WAPL: variants seen among roughly 807,000 people sequenced by gnomAD.
WAPL encodes the protein WAPL cohesin release factor.
A neutral mutation model predicts 121.0 loss-of-function variants in WAPL; 5 were observed. That is an observed-to-expected ratio of 0.04 (90% CI 0.02 to 0.09). The LOEUF (loss-of-function observed/expected upper bound fraction) is 0.09, where lower values mean the gene tolerates loss of function less well. Ranked by LOEUF, WAPL falls within the 10% of genes least tolerant of loss-of-function variation. The probability of loss-of-function intolerance (pLI) is 1.00; values close to 1 mark genes in which losing one functional copy is unlikely to be tolerated. For missense variants in WAPL, 999 were observed against 1,410.8 expected (o/e 0.71, Z 4.68); for synonymous variants, 480 against 481.5 (o/e 1.00, Z 0.04).
At chr10:86,493,157 GA>G (rs1277302087) in intron 4 of WAPL, among the ~76,000 whole-genome samples, 2 of 151,440 alleles carry the variant, frequency 1.3e-5, no homozygotes, top group East Asian at 1.9e-4. Context: ...TATGGTTTGG[GA>G]AAAAAAATAT....
intron 4 of WAPL, among the ~76,000 whole-genome samples, chr10:86,483,803 T>C (rs1232957595): frequency 2.2e-5 from 3 of 136,744 alleles, no homozygotes; most frequent in African/African-American, 8.2e-5. Flanking sequence ...TCTTTTTTTT[T>C]TTTTTTTTTT....
Position 86,512,361 on chromosome 10 carries a change from GA to G in WAPL, c.499+5209del, listed in dbSNP as rs1589542008. Among the ~76,000 whole-genome samples, 3 of 152,230 alleles carry G rather than the reference GA, an allele frequency of 2.0e-5. No individual in the cohort carries two copies. The East Asian group carries it at 5.8e-4, about 29-fold the overall frequency. ...CTGTAGTTATCTCAATATTTGGCAG[GA>G]TATGTAGACTGAATCCCAGCTGGCT... On this transcript the variant is annotated intron_variant, in intron 2 of 18. Coordinates refer to ENST00000298767, the MANE Select transcript of WAPL (RefSeq NM_015045.5).
chr10:86,462,472 C>A (rs890546856), intron 9 of WAPL, among the ~76,000 whole-genome samples: 1 of 152,040 alleles, frequency 6.6e-6, no homozygotes, highest in African/African-American at 2.4e-5. Flanking sequence ...GTAATCCCAG[C>A]ACTTTGGGAG....
At chr10:86,510,866 T>A (rs1842450172) in intron 2 of WAPL, among the ~76,000 whole-genome samples, 1 of 152,230 alleles carries the variant, frequency 6.6e-6, no homozygotes, top group Non-Finnish European at 1.5e-5. Flanking sequence ...AGATGGTATC[T>A]TGCTGTGTCA....
chr10:86,453,506 T>A (rs1841051906), intron 13 of WAPL, 150 bp downstream of exon 13: 11 of 1,200,876 alleles, frequency 9.2e-6, no homozygotes, highest in Non-Finnish European at 1.3e-5. Context: ...ATATCAACTC[T>A]TAAAAGCAAT....
chr10:86,514,572 A>C (rs1589543550), intron 2 of WAPL, among the ~76,000 whole-genome samples: 1 of 152,194 alleles, frequency 6.6e-6, no homozygotes, highest in Non-Finnish European at 1.5e-5. Flanking sequence ...TCACAGACCA[A>C]TTAAAATGGA....
intron 15 of WAPL, among the ~76,000 whole-genome samples, chr10:86,446,841 C>A (rs2132168214): frequency 6.6e-6 from 1 of 152,318 alleles, no homozygotes; most frequent in East Asian, 1.9e-4. Flanking sequence ...AGAAAAAACA[C>A]TGACACAATT....
intron 4 of WAPL, among the ~76,000 whole-genome samples, chr10:86,489,781 T>A (rs982629802): frequency 6.6e-6 from 1 of 150,622 alleles, no homozygotes; most frequent in African/African-American, 2.5e-5. Context: ...CTTTACCACC[T>A]GGAAATGGGG....
intron 12 of WAPL, among the ~76,000 whole-genome samples, chr10:86,455,444 G>A (rs993135765): frequency 3.9e-5 from 6 of 152,034 alleles, no homozygotes; most frequent in Non-Finnish European, 7.4e-5. Context: ...ATTAAGGGCA[G>A]TGCAAGATGT....
rs183952997 is a variant in WAPL, at chr10:86,521,351, G to T, written c.-23+14C>A. 3.8e-6 allele frequency: 1 copy of T among 265,860 alleles called. No homozygotes were observed. The highest frequency in any genetic ancestry group is 6.3e-5 in the Admixed American group (1 of 15,998). 16.5% of individuals were successfully genotyped at this position (265,860 alleles called of 1,614,324 possible). ...TCCCTCCCGGCCTAGGCGGCCGCCC[G>T]ACACCTCACTTACCCTCGGAGCCTG... On this transcript the variant is annotated intron_variant, in intron 1 of 18. Transcript: ENST00000298767.
intron 15 of WAPL, 138 bp downstream of exon 15, chr10:86,451,829 C>G: frequency 1.1e-6 from 1 of 922,958 alleles, no homozygotes; most frequent in Non-Finnish European, 1.6e-6. Flanking sequence ...GGAGTTCTAA[C>G]TAAAAAGGCC....
intron 15 of WAPL, among the ~76,000 whole-genome samples, chr10:86,449,741 C>A (rs969337687): frequency 6.6e-6 from 1 of 151,922 alleles, no homozygotes; most frequent in Admixed American, 6.6e-5. Flanking sequence ...TTTCTAGGTT[C>A]CATTTGAAGA....
chr10:86,437,883 A>C (rs1207017106), intron 18 of WAPL, 37 bp downstream of exon 18: 1 of 1,482,232 alleles, frequency 6.7e-7, no homozygotes, highest in Non-Finnish European at 9.4e-7. Context: ...TGTATTATAA[A>C]TTTAAAATCA....
intron 17 of WAPL, among the ~76,000 whole-genome samples, chr10:86,443,040 C>T (rs182634172): frequency 3.7e-3 from 179 of 48,236 alleles, no homozygotes; most frequent in Non-Finnish European, 7.6e-3. Flanking sequence ...GAGACTCCGC[C>T]TCAAAAAAAA....
chr10:86,458,616 T>C (rs1484710864), intron 12 of WAPL, among the ~76,000 whole-genome samples: 1 of 152,188 alleles, frequency 6.6e-6, no homozygotes, highest in African/African-American at 2.4e-5. Flanking sequence ...AAATTTTTTA[T>C]ATGTATTTTT....
chr10:86,455,139 G>A (rs1371692964), intron 12 of WAPL, among the ~76,000 whole-genome samples: 2 of 151,356 alleles, frequency 1.3e-5, no homozygotes, highest in Non-Finnish European at 3.0e-5. Flanking sequence ...CACCCCGTCT[G>A]GGAAGTGAGG....
chr10:86,467,550 G>T, intron 8 of WAPL, 44 bp from the exon 9 acceptor site: 1 of 1,426,248 alleles, frequency 7.0e-7, no homozygotes, highest in Non-Finnish European at 9.6e-7. Flanking sequence ...CTTCATGTAA[G>T]CAACTCCTGA....
chr10:86,519,520 C>A (rs1011163450), intron 1 of WAPL, among the ~76,000 whole-genome samples: 5 of 151,808 alleles, frequency 3.3e-5, no homozygotes, highest in African/African-American at 9.7e-5. Flanking sequence ...TTGGTGAGAA[C>A]CCAATTTTAA....
At chr10:86,438,206 A>C (rs1056103771) in intron 17 of WAPL, among the ~76,000 whole-genome samples, 191 bp from the exon 18 acceptor site, 8 of 151,994 alleles carry the variant, frequency 5.3e-5, no homozygotes, top group African/African-American at 1.9e-4. Context: ...GAAAGGAGAA[A>C]GGTAAAGTTG....
Sources: gnomAD v4.1 joint callset for allele counts (sites outside exome capture counted in the v4.1 genomes callset) on GRCh38, gnomAD v4.1.1 for gene constraint, MANE v1.5 for transcripts, NCBI Gene and HGNC (gene_info 2026-07-23, HGNC 2026-07-21) for gene names.